The following GRIP1 variants were observed in gnomAD, a reference collection of about 807,000 sequenced individuals.
The protein encoded by GRIP1 is glutamate receptor-interacting protein 1.
GRIP1 carries 45 observed loss-of-function variants against 129.9 expected under a neutral mutation model. The observed-to-expected ratio is 0.35, with a 90% CI of 0.27 to 0.44. GRIP1 has a LOEUF of 0.44. Ranked by LOEUF, GRIP1 falls within the 20% of genes least tolerant of loss-of-function variation. GRIP1 has a pLI of 1.00. For synonymous variants in GRIP1, 530 were observed against 520.8 expected (o/e 1.02, Z -0.24); for missense variants, 1,196 against 1,396.8 (o/e 0.86, Z 2.29).
At chr12:66,525,399 C>T (rs2061192079) in intron 5 of GRIP1, among the ~76,000 whole-genome samples, 1 of 152,084 alleles carries the variant, frequency 6.6e-6, no homozygotes, top group Non-Finnish European at 1.5e-5. Context: ...TAAATGTAAT[C>T]CAGCATATAA....
intron 23 of GRIP1, among the ~76,000 whole-genome samples, chr12:66,370,232 C>A (rs1345743796): frequency 6.6e-6 from 1 of 152,212 alleles, no homozygotes; most frequent in Non-Finnish European, 1.5e-5. Flanking sequence ...CCAGGCTTGC[C>A]TCTGTCATTG....
Position 66,439,490 on chromosome 12 carries a change from T to C in GRIP1, c.1687+5094A>G, listed in dbSNP as rs144015405. On this transcript the variant is annotated intron_variant, in intron 13 of 24. Coordinates refer to ENST00000359742, the MANE Select transcript of GRIP1 (RefSeq NM_001366722.1). ...GGCTGATCTATTATTGATTCTCATC[T>C]CTCCCACTCAGATTCTTTCAAACAC... Among the ~76,000 whole-genome samples, 386 of 152,050 alleles carry C rather than the reference T, an allele frequency of 2.5e-3. 1 individual carries two copies. Among genetic ancestry groups the C allele is most frequent in the African/African-American group, 8.9e-3 (368 of 41,392 alleles).
intron 7 of GRIP1, among the ~76,000 whole-genome samples, chr12:66,493,204 G>T (rs12582879): frequency 6.6e-5 from 10 of 151,930 alleles, no homozygotes; most frequent in Admixed American, 2.6e-4. Context: ...CTGATGTTTG[G>T]TAAGAGTTGG....
At chr12:66,592,334 C>T (rs1184783872) in intron 2 of GRIP1, among the ~76,000 whole-genome samples, 2 of 152,142 alleles carry the variant, frequency 1.3e-5, no homozygotes, top group Non-Finnish European at 2.9e-5. Context: ...TTTTACTACC[C>T]ACTTCCAAAT....
chr12:66,737,726 A>G lies in GRIP1; in HGVS notation c.-420+66327T>C, dbSNP rs1332703702. 2.7e-5 allele frequency among the ~76,000 whole-genome samples: 4 copies of G among 150,918 alleles called. No homozygotes were observed. In the East Asian group the frequency reaches 7.8e-4, roughly 29 times the overall value. On this transcript the variant is annotated intron_variant, in intron 1 of 4. Coordinates refer to the GRIP1 transcript ENST00000538373. The stretch of plus-strand genomic sequence containing the variant: ...CTGTATCTTGCACTCATTTTTTTTT[A>G]CTCTTTTATTTTGCCCATTCTTTCC...
intron 1 of GRIP1, among the ~76,000 whole-genome samples, chr12:66,606,448 T>C (rs1379256255): frequency 6.6e-6 from 1 of 152,120 alleles, no homozygotes; most frequent in African/African-American, 2.4e-5. Flanking sequence ...TCATTCTGAG[T>C]TCAGTTTGAG....
At chr12:66,658,505 C>T (rs1220207464) in intron 1 of GRIP1, among the ~76,000 whole-genome samples, 3 of 151,648 alleles carry the variant, frequency 2.0e-5, no homozygotes, top group Admixed American at 6.6e-5. Context: ...GGCGTGAACC[C>T]GGGAGGTGGA....
At chr12:66,658,818 G>T (rs186147380) in intron 1 of GRIP1, among the ~76,000 whole-genome samples, 157 of 151,944 alleles carry the variant, frequency 1.0e-3, no homozygotes, top group Non-Finnish European at 1.9e-3. Flanking sequence ...CAACTACCTG[G>T]GAGGCTGAGG....
chr12:66,785,001 GCT>G (rs2038276263), intron 1 of GRIP1, among the ~76,000 whole-genome samples: 1 of 151,920 alleles, frequency 6.6e-6, no homozygotes, highest in Non-Finnish European at 1.5e-5. Flanking sequence ...CCGTGTTCTG[GCT>G]CTCTTTCTTA....
chr12:66,505,475 T>C (rs2060502581), intron 7 of GRIP1, among the ~76,000 whole-genome samples: 1 of 152,166 alleles, frequency 6.6e-6, no homozygotes, highest in Non-Finnish European at 1.5e-5. Context: ...GACCTAGGCC[T>C]TGTGAGATCC....
chr12:66,502,632 T>A (rs1361681716), intron 7 of GRIP1, among the ~76,000 whole-genome samples: 1 of 152,088 alleles, frequency 6.6e-6, no homozygotes, highest in Non-Finnish European at 1.5e-5. Flanking sequence ...TGTTTAAAAT[T>A]GTGTGGTACC....
At chr12:66,573,946 A>G (rs2063051762) in intron 2 of GRIP1, among the ~76,000 whole-genome samples, 1 of 152,216 alleles carries the variant, frequency 6.6e-6, no homozygotes, top group South Asian at 2.1e-4. Flanking sequence ...TTCTGCCTCT[A>G]AGATCATGGA....
At chr12:67,001,768 T>C (rs975194588) in intron 1 of GRIP1, among the ~76,000 whole-genome samples, 9 of 152,094 alleles carry the variant, frequency 5.9e-5, no homozygotes, top group African/African-American at 1.9e-4. Flanking sequence ...ACTGTACCTA[T>C]AGCAGCCTTG....
At chr12:66,687,894 G>A (rs1283971783) in intron 1 of GRIP1, among the ~76,000 whole-genome samples, 1 of 152,182 alleles carries the variant, frequency 6.6e-6, no homozygotes, top group Admixed American at 6.5e-5. Flanking sequence ...CACAAGCCAT[G>A]CTAATGAGAT....
chr12:66,603,066 C>T (rs2064353047), intron 1 of GRIP1, among the ~76,000 whole-genome samples: 2 of 151,034 alleles, frequency 1.3e-5, no homozygotes, highest in South Asian at 4.2e-4. Flanking sequence ...CACTATGTTG[C>T]CCAGGCTGGT....
chr12:66,808,516 C>T (rs2039042115), upstream of GRIP1, among the ~76,000 whole-genome samples: 1 of 151,998 alleles, frequency 6.6e-6, no homozygotes, highest in South Asian at 2.1e-4. Context: ...TTTCACTGAT[C>T]TCAAACTCCT....
At chr12:66,794,240 G>A (rs1196554042) in intron 1 of GRIP1, among the ~76,000 whole-genome samples, 1 of 152,174 alleles carries the variant, frequency 6.6e-6, no homozygotes, top group African/African-American at 2.4e-5. Context: ...TCAAATACAC[G>A]AATAGTGACT....
At chr12:66,841,501 G>T (rs1375558747) in intron 1 of GRIP1, among the ~76,000 whole-genome samples, 2 of 152,194 alleles carry the variant, frequency 1.3e-5, no homozygotes, top group African/African-American at 2.4e-5. Context: ...ACACAAAGAT[G>T]TGAGATGAAG....
intron 22 of GRIP1, among the ~76,000 whole-genome samples, chr12:66,373,075 AATTT>A (rs563984206): frequency 2.6e-5 from 4 of 151,834 alleles, no homozygotes; most frequent in Non-Finnish European, 4.4e-5. Context: ...TACTTCTCTC[AATTT>A]ATTTATTTAT....
Sources: gnomAD v4.1 joint callset for allele counts (sites outside exome capture counted in the v4.1 genomes callset) on GRCh38, gnomAD v4.1.1 for gene constraint, MANE v1.5 for transcripts, NCBI Gene and HGNC (gene_info 2026-07-23, HGNC 2026-07-21) for gene names.